MTMR3: variants seen among roughly 807,000 people sequenced by gnomAD.
The protein encoded by MTMR3 is myotubularin related protein 3.
A neutral mutation model predicts 132.4 loss-of-function variants in MTMR3; 32 were observed. That is an observed-to-expected ratio of 0.24 (90% CI 0.18 to 0.32). The LOEUF is 0.32. Among genes scored for constraint, MTMR3 ranks in the 10% least tolerant of loss-of-function variants. The pLI is 1.00. For synonymous variants in MTMR3, 556 were observed against 550.3 expected (o/e 1.01, Z -0.14); for missense variants, 1,216 against 1,489.6 (o/e 0.82, Z 3.02).
rs2067935488 is a variant in MTMR3 at position 30,027,562 on chromosome 22, T to C, written c.*1761T>C. 6.5e-6 allele frequency: 1 copy of C among 152,914 alleles called. No homozygotes were observed. Among genetic ancestry groups the C allele is most frequent in the African/African-American group, 2.4e-5 (1 of 41,588 alleles). 9.5% of individuals were successfully genotyped at this position (152,914 alleles called of 1,614,324 possible). On this transcript the variant is annotated 3_prime_UTR_variant, in exon 20 of 20. Coordinates refer to ENST00000401950, the MANE Select transcript of MTMR3 (RefSeq NM_021090.4). ...GTTGGTCTAATTGAAGATTGTGCAT[T>C]TCCTAGTGACAGGTGCCAAGAGGTT...
In MTMR3 at chr22:29,991,680, T is replaced by G. The variant is rs780193726; in HGVS notation, c.460+10T>G. On this transcript the variant is annotated intron_variant, in intron 7 of 19. Transcript: ENST00000401950. Reference sequence around the variant, plus strand: ...GACCTGTGCAGACCAGGTACGCCTTTCTGAAATGTGCAAATGGCCAGGGGC... The same window carrying G: ...GACCTGTGCAGACCAGGTACGCCTTGCTGAAATGTGCAAATGGCCAGGGGC... The G allele has an allele frequency of 6.3e-7, 1 of 1,577,338 alleles. No individual in the cohort carries two copies. The highest frequency in any genetic ancestry group is 8.6e-7 in the Non-Finnish European group (1 of 1,162,664).
chr22:29,944,830 G>A (rs1026522109), intron 1 of MTMR3, among the ~76,000 whole-genome samples: 4 of 152,060 alleles, frequency 2.6e-5, no homozygotes, highest in Admixed American at 2.6e-4. Flanking sequence ...TCTGATTTAA[G>A]CTTTTCTTTT....
intron 8 of MTMR3, chr22:30,000,913 A>G (rs1370402710): frequency 6.6e-6 from 1 of 152,206 alleles, no homozygotes; most frequent in Non-Finnish European, 1.5e-5. Flanking sequence ...GACAATGAAC[A>G]GAATGTTTAG....
chr22:29,912,499 A>G (rs1012287280), intron 1 of MTMR3, among the ~76,000 whole-genome samples: 11 of 152,110 alleles, frequency 7.2e-5, no homozygotes, highest in Middle Eastern at 3.2e-3. Flanking sequence ...GCCCAGGCTT[A>G]TCTAGAACTC....
intron 1 of MTMR3, among the ~76,000 whole-genome samples, chr22:29,929,696 C>T (rs984314057): frequency 2.0e-5 from 3 of 151,808 alleles, no homozygotes; most frequent in African/African-American, 7.3e-5. Flanking sequence ...GTATTTTTAG[C>T]AGAGACAGGG....
At chr22:29,915,715 C>T (rs1235145902) in intron 1 of MTMR3, among the ~76,000 whole-genome samples, 2 of 152,080 alleles carry the variant, frequency 1.3e-5, no homozygotes, top group African/African-American at 2.4e-5. Context: ...TGAGCCACTG[C>T]GCCCGGCTGA....
intron 16 of MTMR3, 44 bp downstream of exon 16, chr22:30,018,116 G>A (rs1311529531): frequency 6.5e-7 from 1 of 1,546,212 alleles, no homozygotes; most frequent in African/African-American, 1.4e-5. Context: ...CTGTGTGGGT[G>A]TATTCCTGTG....
At chr22:30,009,634 C>T (rs1938029940) in intron 12 of MTMR3, 1 of 153,840 alleles carries the variant, frequency 6.5e-6, no homozygotes. Flanking sequence ...TTCTCATTTA[C>T]TAAGCATATT....
chr22:30,024,417 T>A (rs1468906192), intron 19 of MTMR3: 2 of 152,142 alleles, frequency 1.3e-5, no homozygotes, highest in Non-Finnish European at 2.9e-5. Context: ...TAACTACAGG[T>A]TTTTGCTGAC....
chr22:30,013,861 A>C, intron 14 of MTMR3: 1 of 230,390 alleles, frequency 4.3e-6, no homozygotes, highest in Non-Finnish European at 8.6e-6. Context: ...TGTCTACCAG[A>C]CCCCCATGAC....
Position 30,020,023 on chromosome 22 carries a change from C to T in MTMR3, c.2364C>T (p.Ser788=), listed in dbSNP as rs779716657. 1.2e-6 allele frequency: 2 copies of T among 1,614,130 alleles called. No homozygotes were observed. The highest frequency in any genetic ancestry group is 1.1e-5 in the South Asian group (1 of 91,082). The change falls in exon 17 of 20, where the codon TCC becomes TCT. Residue 788 remains serine (S), a synonymous_variant. Coordinates refer to ENST00000401950, the MANE Select transcript of MTMR3 (RefSeq NM_021090.4). The part of the protein sequence containing the change: ...SLQVPPRGED[S]LEVPVEQFRI... ...AGGTCCCCCCCAGGGGAGAGGATTC[C>T]CTGGAGGTCCCTGTGGAGCAGTTTC...
intron 1 of MTMR3, among the ~76,000 whole-genome samples, chr22:29,948,632 G>C (rs1027790499): frequency 1.3e-5 from 2 of 152,080 alleles, no homozygotes; most frequent in African/African-American, 4.8e-5. Flanking sequence ...AACCTCTTAG[G>C]CAACTGTGAA....
intron 9 of MTMR3, chr22:30,004,156 T>C (rs1182386006): frequency 1.3e-5 from 2 of 152,240 alleles, no homozygotes; most frequent in Admixed American, 1.3e-4. Context: ...CACTGTTGTT[T>C]TCAGACACCC....
intron 1 of MTMR3, among the ~76,000 whole-genome samples, chr22:29,937,275 C>G (rs1255716733): frequency 6.6e-6 from 1 of 152,132 alleles, no homozygotes; most frequent in Non-Finnish European, 1.5e-5. Context: ...CTACTCGATA[C>G]CAAGACATTC....
At position 29,920,322 on chromosome 22, in the gene MTMR3, A is replaced by G. The variant is rs77503313; in HGVS notation, c.-137-36714A>G. ...ATTAGCTAAAAAAAATTATTAGACC[A>G]CTGTATATTATGCTAATTAAATGAC... On this transcript the variant is annotated intron_variant, in intron 1 of 19. Transcript: ENST00000401950. Among the ~76,000 whole-genome samples the G allele has an allele frequency of 4.5e-3, 678 of 152,194 alleles. 6 individuals are homozygous for G. The highest frequency in any genetic ancestry group is 0.015 in the African/African-American group (640 of 41,520).
At chr22:29,966,277 A>T (rs928544550) in intron 2 of MTMR3, among the ~76,000 whole-genome samples, 2 of 152,176 alleles carry the variant, frequency 1.3e-5, no homozygotes, top group Non-Finnish European at 2.9e-5. Context: ...AAAATTAATA[A>T]CTCCTTAATA....
chr22:29,896,869 T>TCACACACACACACACACACA (rs61038012), intron 1 of MTMR3, among the ~76,000 whole-genome samples: 1,503 of 138,162 alleles, frequency 0.011, 16 homozygotes, highest in Middle Eastern at 0.021. Flanking sequence ...CAGGCTTGTC[T>TCACACACACACACACACACA]CACACACACA....
In MTMR3 at chr22:29,920,897, G is replaced by A. The variant is rs567467655; in HGVS notation, c.-137-36139G>A. The stretch of plus-strand genomic sequence containing the variant: ...ATTTCTTCAGGTTTTACTAAATTTT[G>A]TTCATTCTAAAGACTTTTAAAAAGC... On this transcript the variant is annotated intron_variant, in intron 1 of 19. Coordinates refer to ENST00000401950, the MANE Select transcript of MTMR3 (RefSeq NM_021090.4). Among the ~76,000 whole-genome samples, 3 of 129,496 alleles carry A rather than the reference G, an allele frequency of 2.3e-5. No homozygotes were observed. In the South Asian group the frequency reaches 7.3e-4, roughly 32 times the overall value. 85.0% of individuals were successfully genotyped at this position (129,496 alleles called of 152,430 possible). A position where few individuals can be genotyped will look rare whatever the true frequency, so the allele number is the denominator to read the frequency against.
intron 3 of MTMR3, among the ~76,000 whole-genome samples, chr22:29,973,661 G>A (rs545220629): frequency 2.0e-3 from 308 of 151,984 alleles, no homozygotes; most frequent in Middle Eastern, 3.4e-3. Flanking sequence ...ATGCAATGGC[G>A]TGATCTTGGC....
Sources: gnomAD v4.1 joint callset for allele counts (sites outside exome capture counted in the v4.1 genomes callset) on GRCh38, gnomAD v4.1.1 for gene constraint, MANE v1.5 for transcripts, NCBI Gene and HGNC (gene_info 2026-07-23, HGNC 2026-07-21) for gene names.